The following SHISA7 variants were observed in gnomAD, a reference collection of about 807,000 sequenced individuals.
SHISA7 encodes the protein protein shisa-7.
SHISA7 carries 6 observed loss-of-function variants against 23.9 expected under a neutral mutation model. That is an observed-to-expected ratio of 0.25 (90% CI 0.14 to 0.50). The LOEUF (loss-of-function observed/expected upper bound fraction) is 0.50, where lower values mean the gene tolerates loss of function less well. Ranked by LOEUF, SHISA7 falls within the 20% of genes least tolerant of loss-of-function variation. The probability of loss-of-function intolerance (pLI) is 0.98; values close to 1 mark genes in which losing one functional copy is unlikely to be tolerated. For synonymous variants in SHISA7, 386 were observed against 398.3 expected, an observed-to-expected ratio of 0.97 and a Z score of 0.37; for missense variants, 671 against 801.1, an observed-to-expected ratio of 0.84 and a Z score of 1.96.
rs879189050 is a variant in SHISA7, at chr19:55,432,827, C to T, written c.*329G>A. ...GACATGGCCTCCAGCGCTGACCTCACGGGCCGGCCTCTTCCTCTGTGATGA... is the reference window on the plus strand; with the variant it reads ...GACATGGCCTCCAGCGCTGACCTCATGGGCCGGCCTCTTCCTCTGTGATGA... On this transcript the variant is annotated 3_prime_UTR_variant, in exon 4 of 4. Coordinates refer to ENST00000376325, the MANE Select transcript of SHISA7 (RefSeq NM_001145176.2). The surrounding 1 kb of genome is among the most constrained non-coding windows in gnomAD (Gnocchi z 4.6). 3.2e-5 allele frequency: 9 copies of T among 283,302 alleles called. No individual in the cohort carries two copies. Among genetic ancestry groups the T allele is most frequent in the South Asian group, 2.0e-4 (4 of 19,560 alleles). The allele number at this position is 283,302 out of a possible 1,614,324, so 17.5% of individuals were successfully genotyped here.
At chr19:55,436,053 G>A (rs984304186) in intron 3 of SHISA7, among the ~76,000 whole-genome samples, 1 of 152,134 alleles carries the variant, frequency 6.6e-6, no homozygotes, top group South Asian at 2.1e-4. Context: ...TTGGGAGGCC[G>A]AGGCAGGTGA....
intron 3 of SHISA7, 88 bp downstream of exon 3, chr19:55,437,517 G>T: frequency 7.0e-7 from 1 of 1,424,382 alleles, no homozygotes; most frequent in South Asian, 1.5e-5. Context: ...CCATTGGAAG[G>T]CTCTTGGGCC....
In SHISA7 at chr19:55,429,227, T is replaced by C. The variant is rs911497163; in HGVS notation, c.*3929A>G. 4.0e-5 allele frequency: 6 copies of C among 150,892 alleles called. No individual in the cohort carries two copies. Among genetic ancestry groups the C allele is most frequent in the African/African-American group, 1.2e-4 (5 of 40,920 alleles). The allele number at this position is 150,892 out of a possible 1,614,324, so 9.3% of individuals were successfully genotyped here. The stretch of plus-strand genomic sequence containing the variant: ...GGAATCCAGGCTGGGCTAGAGCTAG[T>C]GGAGGGGGGATAAAAAAGCTGAAAG... On this transcript the variant is annotated 3_prime_UTR_variant, in exon 4 of 4. Transcript: ENST00000376325.
intron 1 of SHISA7, among the ~76,000 whole-genome samples, chr19:55,441,425 T>C (rs1423684458): frequency 2.0e-5 from 3 of 152,198 alleles, no homozygotes; most frequent in Admixed American, 2.0e-4. Context: ...CTACTTCTCC[T>C]CACCTCCTGC....
At chr19:55,435,053 TG>T in intron 3 of SHISA7, among the ~76,000 whole-genome samples, 1 of 43,914 alleles carries the variant, frequency 2.3e-5, no homozygotes, top group South Asian at 1.1e-3. Flanking sequence ...GTGTGTGTGG[TG>T]TGTGTGTAGT....
At chr19:55,435,589 C>CAAAAA (rs1160895563) in intron 3 of SHISA7, among the ~76,000 whole-genome samples, 7 of 66,412 alleles carry the variant, frequency 1.1e-4, no homozygotes, top group African/African-American at 2.3e-4. Flanking sequence ...TCCATCTCTA[C>CAAAAA]AAAAAAAAAA....
chr19:55,437,181 T>C (rs1403813973), intron 3 of SHISA7, among the ~76,000 whole-genome samples: 1 of 151,960 alleles, frequency 6.6e-6, no homozygotes, highest in Non-Finnish European at 1.5e-5. Context: ...TGCAGGGTGG[T>C]CGTTGCCACC....
At chr19:55,435,394 T>G (rs1308352183) in intron 3 of SHISA7, among the ~76,000 whole-genome samples, 2 of 123,776 alleles carry the variant, frequency 1.6e-5, no homozygotes, top group South Asian at 2.8e-4. Flanking sequence ...GTGGTGTGTG[T>G]GTGTGGGTGT....
intron 1 of SHISA7, 74 bp downstream of exon 1, chr19:55,442,119 T>C: frequency 7.2e-7 from 1 of 1,392,366 alleles, no homozygotes; most frequent in Non-Finnish European, 9.5e-7. Flanking sequence ...CAGCCCCTCC[T>C]CCTCGGATGG....
chr19:55,434,919 T>G, intron 3 of SHISA7, among the ~76,000 whole-genome samples: 1 of 119,484 alleles, frequency 8.4e-6, no homozygotes, highest in African/African-American at 3.4e-5. Context: ...GTATATGTGG[T>G]GTGTGTGTAT....
chr19:55,433,677 A>G lies in SHISA7; in HGVS notation c.1096T>C (p.Trp366Arg), dbSNP rs755718065. 8.8e-6 allele frequency: 13 copies of G among 1,484,722 alleles called. No homozygotes were observed. Among genetic ancestry groups the G allele is most frequent in the South Asian group, 3.8e-5 (3 of 78,946 alleles). The allele number at this position is 1,484,722 out of a possible 1,614,324, so 92.0% of individuals were successfully genotyped here. A position where few individuals can be genotyped will look rare whatever the true frequency, so the allele number is the denominator to read the frequency against. ...AGGCCCAGCTCCTCTGGGCCGCCCC[A>G]GGCCTCCATGCGATAGCCGCCCCCC... Reference protein sequence around the residue: ...GTGGGYRMEAWGGPEELGLAP... With the variant: ...GTGGGYRMEARGGPEELGLAP... Residue 366 changes from tryptophan (W) to arginine (R), a missense_variant, in exon 4 of 4, where the codon TGG becomes CGG. Around this residue, in one of 5 missense-constraint regions of SHISA7, gnomAD observed 457 missense variants for 488.3 expected, o/e 0.94. Transcript: ENST00000376325. This position sits in a 1 kb window ranked among gnomAD's most constrained non-coding sequence, Gnocchi z 8.4.
In SHISA7 at chr19:55,428,841, G is replaced by A. The variant is rs1460466114; in HGVS notation, c.*4315C>T. ...GGGAAGGGGCCAGTGTTGGAGAGGG[G>A]GTGGAGAGAGGAAGTGATGAGGAGG... On this transcript the variant is annotated 3_prime_UTR_variant, in exon 4 of 4. Coordinates refer to ENST00000376325, the MANE Select transcript of SHISA7 (RefSeq NM_001145176.2). The A allele has an allele frequency of 1.3e-5, 2 of 152,282 alleles. No individual in the cohort carries two copies. Among genetic ancestry groups the A allele is most frequent in the Non-Finnish European group, 1.5e-5 (1 of 68,096 alleles). 9.4% of individuals were successfully genotyped at this position (152,282 alleles called of 1,614,324 possible).
chr19:55,442,292 C>T lies in SHISA7; in HGVS notation c.572G>A (p.Gly191Glu). ...CACGGCCAGGGCGAAGCTGATGACC[C>T]CGCACACGACGTAGGCTGTGCTGCC... Reference protein sequence around the residue: ...PGGSTAYVVCGVISFALAVGV... With the variant: ...PGGSTAYVVCEVISFALAVGV... The change falls in exon 1 of 4, where the codon GGG becomes GAG. Residue 191 changes from glycine (G) to glutamate (E), a missense_variant. Physicochemically the swap from Gly to Glu is moderately conservative, Grantham distance 98 (BLOSUM62 -2). Coordinates refer to ENST00000376325, the MANE Select transcript of SHISA7 (RefSeq NM_001145176.2). 6.5e-7 allele frequency: 1 copy of T among 1,532,724 alleles called. No homozygotes were observed. Among genetic ancestry groups the T allele is most frequent in the Non-Finnish European group, 8.7e-7 (1 of 1,145,472 alleles). 94.9% of individuals were successfully genotyped at this position (1,532,724 alleles called of 1,614,324 possible). A position where few individuals can be genotyped will look rare whatever the true frequency, so the allele number is the denominator to read the frequency against.
chr19:55,436,648 C>G (rs1044083140), intron 3 of SHISA7, among the ~76,000 whole-genome samples: 16 of 151,522 alleles, frequency 1.1e-4, no homozygotes, highest in African/African-American at 3.9e-4. Context: ...GTGGGTCACT[C>G]CTGTAATCTC....
Position 55,442,217 on chromosome 19 carries a change from G to A in SHISA7, c.647C>T (p.Ala216Val). 1.3e-6 allele frequency: 2 copies of A among 1,533,970 alleles called. No individual in the cohort carries two copies. The highest frequency in any genetic ancestry group is 1.7e-6 in the Non-Finnish European group (2 of 1,145,798). ...CCTGGGCACGTTGATATCCCGGTGC[G>A]CCCGGGGCGCACGGGACGCCTTGCT... ...AFSKASRAPR[A>V]HRDINVPRAL... Residue 216 changes from alanine (A) to valine (V), a missense_variant, in exon 1 of 4, where the codon GCG (alanine) becomes GTG (valine). Coordinates refer to ENST00000376325, the MANE Select transcript of SHISA7 (RefSeq NM_001145176.2).
At chr19:55,440,845 G>A (rs1985584210) in intron 1 of SHISA7, 80 bp from the exon 2 acceptor site, 4 of 1,196,240 alleles carry the variant, frequency 3.3e-6, no homozygotes, top group Non-Finnish European at 4.2e-6. Context: ...TCCGCTCCCT[G>A]CTCTCGCCCT....
chr19:55,428,753 T>C lies in SHISA7; in HGVS notation c.*4403A>G, dbSNP rs1985093690. The C allele has an allele frequency of 6.6e-6, 1 of 152,244 alleles. No individual in the cohort carries two copies. Among genetic ancestry groups the C allele is most frequent in the Admixed American group, 6.5e-5 (1 of 15,286 alleles). 9.4% of individuals were successfully genotyped at this position (152,244 alleles called of 1,614,324 possible). On this transcript the variant is annotated 3_prime_UTR_variant, in exon 4 of 4. Coordinates refer to ENST00000376325, the MANE Select transcript of SHISA7 (RefSeq NM_001145176.2). ...TGAGACCTTCGATCAGGAAAATGTC[T>C]ATTTATTCCAAAAAATACCAAGTCG... is the stretch of plus-strand genomic sequence containing the variant.
rs1210005827 is a variant in SHISA7 at position 55,432,314 on chromosome 19, A to T, written c.*842T>A. The T allele has an allele frequency of 6.6e-6, 1 of 152,638 alleles. No individual in the cohort carries two copies. Among genetic ancestry groups the T allele is most frequent in the African/African-American group, 2.4e-5 (1 of 41,430 alleles). The allele number at this position is 152,638 out of a possible 1,614,324, so 9.5% of individuals were successfully genotyped here. A position where few individuals can be genotyped will look rare whatever the true frequency, so the allele number is the denominator to read the frequency against. On this transcript the variant is annotated 3_prime_UTR_variant, in exon 4 of 4. Coordinates refer to ENST00000376325, the MANE Select transcript of SHISA7 (RefSeq NM_001145176.2). The surrounding 1 kb of genome is among the most constrained non-coding windows in gnomAD (Gnocchi z 4.6). ...CTCTTTGTGCCATCTCAGAGCACAT[A>T]GCATCTGGGCGACATCACAGAAGGG... is the stretch of plus-strand genomic sequence containing the variant.
chr19:55,442,541 C>T lies in SHISA7; in HGVS notation c.323G>A (p.Gly108Asp). The change falls in exon 1 of 4, where the codon GGC (glycine) becomes GAC (aspartate). Residue 108 changes from glycine to aspartate, a missense_variant. Gly to Asp is a moderately conservative substitution (Grantham distance 94, BLOSUM62 -1). This residue lies in a region of SHISA7 where 48 missense variants were observed against 111.0 expected (regional missense o/e 0.43). Coordinates refer to ENST00000376325, the MANE Select transcript of SHISA7 (RefSeq NM_001145176.2). ...CSTGSYRFCC[G>D]TCHYRFCCEH... ...ACAGCAGAAGCGGTAGTGGCAGGTG[C>T]CACAGCAGAAGCGGTAGGAGCCGGT... 1 of 1,479,274 alleles carries T rather than the reference C, an allele frequency of 6.8e-7. No homozygotes were observed. Among genetic ancestry groups the T allele is most frequent in the South Asian group, 1.3e-5 (1 of 79,616 alleles). The allele number at this position is 1,479,274 out of a possible 1,614,324, so 91.6% of individuals were successfully genotyped here.
Sources: gnomAD v4.1 joint callset for allele counts (sites outside exome capture counted in the v4.1 genomes callset) on GRCh38, gnomAD v4.1.1 for gene constraint, gnomAD v4.1.1 regional missense constraint, Gnocchi (gnomAD v3.1) non-coding constraint, MANE v1.5 for transcripts, NCBI Gene and HGNC (gene_info 2026-07-23, HGNC 2026-07-21) for gene names.